The following KIF2A variants were observed in gnomAD, a reference collection of about 807,000 sequenced individuals.
The protein encoded by KIF2A is kinesin-like protein KIF2A.
Under a neutral mutation model 100.2 loss-of-function variants are expected in KIF2A, and 22 were observed. The ratio of observed to expected loss-of-function variants is 0.22; its 90% CI spans 0.16 to 0.31. The LOEUF is 0.31. Among genes scored for constraint, KIF2A ranks in the 10% least tolerant of loss-of-function variants. The pLI is 1.00. For synonymous variants in KIF2A, 268 were observed against 285.9 expected, an observed-to-expected ratio of 0.94 and a Z score of 0.63; for missense variants, 495 against 898.7, an observed-to-expected ratio of 0.55 and a Z score of 5.74.
intron 1 of KIF2A, among the ~76,000 whole-genome samples, chr5:62,330,545 C>T (rs1215463420): frequency 6.6e-6 from 1 of 152,114 alleles, no homozygotes; most frequent in Non-Finnish European, 1.5e-5. Context: ...TTTTACTCAT[C>T]TTCTGGAAAC....
At chr5:62,334,679 G>A (rs1353267944) in intron 1 of KIF2A, among the ~76,000 whole-genome samples, 1 of 152,070 alleles carries the variant, frequency 6.6e-6, no homozygotes, top group Non-Finnish European at 1.5e-5. Context: ...TCCAGCCGAT[G>A]CCAGAAGGTC....
chr5:62,388,915 A>C lies in KIF2A; in HGVS notation c.*3346A>C. ...TGAACCAAAAATAGTCAAGTAAATA[A>C]TGTCTCAGTAAAGCAAAAGCATTAT... On this transcript the variant is annotated 3_prime_UTR_variant, in exon 21 of 21. Coordinates refer to ENST00000407818, the MANE Select transcript of KIF2A (RefSeq NM_001098511.3). 8.7e-7 allele frequency: 1 copy of C among 1,150,646 alleles called. No homozygotes were observed. The highest frequency in any genetic ancestry group is 1.3e-5 in the South Asian group (1 of 74,520). The allele number at this position is 1,150,646 out of a possible 1,614,324, so 71.3% of individuals were successfully genotyped here. A position where few individuals can be genotyped will look rare whatever the true frequency, so the allele number is the denominator to read the frequency against.
intron 1 of KIF2A, among the ~76,000 whole-genome samples, chr5:62,341,499 C>T (rs1317615772): frequency 2.0e-5 from 3 of 151,916 alleles, no homozygotes; most frequent in East Asian, 1.9e-4. Context: ...GTTGAGGTCT[C>T]GGTATGTTGC....
intron 1 of KIF2A, among the ~76,000 whole-genome samples, chr5:62,309,893 C>G (rs1761177150): frequency 1.3e-5 from 2 of 152,230 alleles, no homozygotes; most frequent in South Asian, 4.1e-4. Context: ...CAGTCAGCAT[C>G]TGAATTCCTA....
chr5:62,341,945 G>C (rs1008830957), intron 1 of KIF2A, among the ~76,000 whole-genome samples: 2 of 151,826 alleles, frequency 1.3e-5, no homozygotes, highest in African/African-American at 4.8e-5. Flanking sequence ...AGATTTGATA[G>C]CTAGGTGTCT....
At chr5:62,353,524 C>G (rs183983097) in intron 6 of KIF2A, 149 bp downstream of exon 6, 117 of 477,776 alleles carry the variant, frequency 2.4e-4, no homozygotes, top group African/African-American at 2.1e-3. Context: ...ATAATATAAA[C>G]TCTTGTGCAA....
chr5:62,351,754 T>C (rs1747864467), intron 4 of KIF2A, among the ~76,000 whole-genome samples: 1 of 152,214 alleles, frequency 6.6e-6, no homozygotes, highest in Admixed American at 6.5e-5. Flanking sequence ...TTTGCATATT[T>C]GAGGAGCAAA....
intron 1 of KIF2A, among the ~76,000 whole-genome samples, chr5:62,346,528 C>T (rs962633520): frequency 6.6e-6 from 1 of 152,084 alleles, no homozygotes; most frequent in South Asian, 2.1e-4. Flanking sequence ...TCACTCGAGG[C>T]CAGGATTTCG....
chr5:62,355,650 A>G (rs970622916), intron 7 of KIF2A, among the ~76,000 whole-genome samples: 1 of 152,134 alleles, frequency 6.6e-6, no homozygotes, highest in Non-Finnish European at 1.5e-5. Flanking sequence ...GTAATTTGTT[A>G]GTTTTAAATG....
chr5:62,373,611 A>T (rs907755754), intron 17 of KIF2A, 76 bp from the exon 18 acceptor site: 3 of 1,025,970 alleles, frequency 2.9e-6, no homozygotes, highest in Non-Finnish European at 4.5e-6. Flanking sequence ...AATTGCGTGT[A>T]TATTGAATAG....
intron 8 of KIF2A, 95 bp from the exon 9 acceptor site, chr5:62,358,042 A>T: frequency 1.1e-6 from 1 of 898,846 alleles, no homozygotes; most frequent in Non-Finnish European, 1.6e-6. Context: ...AGAACTTACT[A>T]CTTGTATCTT....
chr5:62,365,531 T>C (rs1741023993), intron 15 of KIF2A, among the ~76,000 whole-genome samples, 178 bp downstream of exon 15: 1 of 152,236 alleles, frequency 6.6e-6, no homozygotes, highest in South Asian at 2.1e-4. Flanking sequence ...ATTGCAGTTA[T>C]ATAATTCCAG....
At position 62,390,951 on chromosome 5, in the gene KIF2A, T is replaced by C. The variant is rs148664994; in HGVS notation, c.*5382T>C. 23 of 1,613,060 alleles carry C rather than the reference T, an allele frequency of 1.4e-5. No homozygotes were observed. The African/African-American group carries it at 2.5e-4, about 18-fold the overall frequency. Reference sequence around the variant, plus strand: ...TGTGCTGGTTAGGATTTGCTGTATTTTATCTGCTATGCTGAAATCTTCTGG... The same window carrying C: ...TGTGCTGGTTAGGATTTGCTGTATTCTATCTGCTATGCTGAAATCTTCTGG... On this transcript the variant is annotated 3_prime_UTR_variant, in exon 21 of 21. Coordinates refer to ENST00000407818, the MANE Select transcript of KIF2A (RefSeq NM_001098511.3).
At chr5:62,327,948 T>C (rs886082483) in intron 1 of KIF2A, among the ~76,000 whole-genome samples, 1 of 152,238 alleles carries the variant, frequency 6.6e-6, no homozygotes, top group Admixed American at 6.5e-5. Flanking sequence ...TATGTACATG[T>C]AGCTGTGAAA....
chr5:62,347,059 T>C lies in KIF2A; in HGVS notation c.65-71T>C. 5 of 778,578 alleles carry C rather than the reference T, an allele frequency of 6.4e-6. No individual in the cohort carries two copies. In the South Asian group the frequency reaches 8.9e-5, roughly 14 times the overall value. 48.2% of individuals were successfully genotyped at this position (778,578 alleles called of 1,614,324 possible). ...TTTTTTTAATTTCCAAGTTATAAAA[T>C]TGTATTTCACAGTGTTTAGGAATGC... On this transcript the variant is annotated intron_variant, in intron 1 of 20. Transcript: ENST00000407818.
chr5:62,375,288 C>T (rs1741491486), intron 18 of KIF2A, among the ~76,000 whole-genome samples: 1 of 152,168 alleles, frequency 6.6e-6, no homozygotes, highest in Non-Finnish European at 1.5e-5. Flanking sequence ...TCATTCTATT[C>T]CCACTAAGTC....
In KIF2A at chr5:62,348,129, C is replaced by T. The variant is rs1484573099; in HGVS notation, c.241C>T (p.Pro81Ser). 3 of 1,613,808 alleles carry T rather than the reference C, an allele frequency of 1.9e-6. No individual in the cohort carries two copies. Among genetic ancestry groups the T allele is most frequent in the Admixed American group, 1.7e-5 (1 of 60,004 alleles). ...EIEPSPETPP[P>S]PASSAKVNKI... ...TGAACCCAGTCCAGAAACACCTCCA[C>T]CTCCAGCATCCTCAGCCAAAGTAAA... is the stretch of plus-strand genomic sequence containing the variant. Residue 81 changes from proline to serine, a missense_variant, in exon 3 of 21, where the codon CCT becomes TCT. This residue lies in a region of KIF2A where 115 missense variants were observed against 143.6 expected (regional missense o/e 0.80). Coordinates refer to ENST00000407818, the MANE Select transcript of KIF2A (RefSeq NM_001098511.3).
chr5:62,369,179 C>T (rs1271283066), intron 16 of KIF2A, among the ~76,000 whole-genome samples: 3 of 152,232 alleles, frequency 2.0e-5, no homozygotes, highest in African/African-American at 7.2e-5. Flanking sequence ...ATGTAACTCA[C>T]TTGCAACATG....
At position 62,360,203 on chromosome 5, in the gene KIF2A, C is replaced by T. The variant is rs192338254; in HGVS notation, c.873-1039C>T. On this transcript the variant is annotated intron_variant, in intron 9 of 20. Coordinates refer to ENST00000407818, the MANE Select transcript of KIF2A (RefSeq NM_001098511.3). The stretch of plus-strand genomic sequence containing the variant: ...CGGGGTTTCACCATGTTGGTCAGGC[C>T]GGTCTCGAACTCCTGACCTCAAGTG... Among the ~76,000 whole-genome samples the T allele has an allele frequency of 4.5e-3, 681 of 151,392 alleles. 1 individual carries two copies. Among genetic ancestry groups the T allele is most frequent in the Non-Finnish European group, 6.7e-3 (452 of 67,768 alleles).
Sources: gnomAD v4.1 joint callset for allele counts (sites outside exome capture counted in the v4.1 genomes callset) on GRCh38, gnomAD v4.1.1 for gene constraint, gnomAD v4.1.1 regional missense constraint, MANE v1.5 for transcripts, NCBI Gene and HGNC (gene_info 2026-07-23, HGNC 2026-07-21) for gene names.